LRRC7: variants seen among roughly 807,000 people sequenced by gnomAD.
LRRC7 encodes the protein leucine rich repeat containing 7.
A neutral mutation model predicts 175.7 loss-of-function variants in LRRC7; 23 were observed. The observed-to-expected ratio is 0.13, with a 90% CI of 0.09 to 0.19. The LOEUF (loss-of-function observed/expected upper bound fraction) is 0.19, where lower values mean the gene tolerates loss of function less well. Ranked by LOEUF, LRRC7 falls within the 10% of genes least tolerant of loss-of-function variation. The pLI, the probability that LRRC7 is intolerant of heterozygous loss-of-function variation, is 1.00. For synonymous variants in LRRC7, 685 were observed against 680.9 expected (o/e 1.01, Z -0.09); for missense variants, 1,354 against 1,904.7 (o/e 0.71, Z 5.38).
intron 1 of LRRC7, among the ~76,000 whole-genome samples, chr1:69,572,193 G>A (rs1645766296): frequency 6.6e-6 from 1 of 152,116 alleles, no homozygotes; most frequent in Non-Finnish European, 1.5e-5. Context: ...TTTGGAGAAT[G>A]TTGAAGTTTT....
intron 18 of LRRC7, among the ~76,000 whole-genome samples, chr1:70,034,118 A>C (rs1659056040): frequency 6.6e-6 from 1 of 152,120 alleles, no homozygotes. Context: ...ACCTTGTAAC[A>C]AATTTTTTGG....
At chr1:69,619,917 A>G (rs1223561249) in intron 1 of LRRC7, among the ~76,000 whole-genome samples, 1 of 151,926 alleles carries the variant, frequency 6.6e-6, no homozygotes, top group African/African-American at 2.4e-5. Flanking sequence ...TAAAAATGAA[A>G]GATAGAGTCA....
chr1:69,650,563 A>G (rs1400402391), intron 1 of LRRC7, among the ~76,000 whole-genome samples: 1 of 147,676 alleles, frequency 6.8e-6, no homozygotes, highest in Admixed American at 6.8e-5. Flanking sequence ...AATGCCAAGC[A>G]TCTTTGGCAT....
At chr1:69,950,255 A>T (rs1649782101) in intron 8 of LRRC7, among the ~76,000 whole-genome samples, 1 of 152,110 alleles carries the variant, frequency 6.6e-6, no homozygotes, top group African/African-American at 2.4e-5. Context: ...ATAGATGATA[A>T]TATAGGAAAA....
intron 25 of LRRC7, among the ~76,000 whole-genome samples, chr1:70,104,160 C>A (rs1428770082): frequency 6.6e-6 from 1 of 152,114 alleles, no homozygotes; most frequent in African/African-American, 2.4e-5. Context: ...GTTATTGTTT[C>A]TAATTTTTAG....
At chr1:69,698,516 A>G (rs1335477811) in intron 2 of LRRC7, among the ~76,000 whole-genome samples, 1 of 152,204 alleles carries the variant, frequency 6.6e-6, no homozygotes, top group African/African-American at 2.4e-5. Context: ...AGAGAAACCC[A>G]TCTAGATCTC....
intron 2 of LRRC7, among the ~76,000 whole-genome samples, chr1:69,690,181 T>A (rs1661665264): frequency 6.6e-6 from 1 of 152,192 alleles, no homozygotes. Context: ...ATAATTTTTT[T>A]AAAGATCCAT....
rs114362968 is a variant in LRRC7, at chr1:69,876,112, T to C, written c.647+37829T>C. Among the ~76,000 whole-genome samples, 599 of 152,238 alleles carry C rather than the reference T, an allele frequency of 3.9e-3. 3 individuals carry two copies. The highest frequency in any genetic ancestry group is 0.013 in the African/African-American group (555 of 41,558). On this transcript the variant is annotated intron_variant, in intron 7 of 26. Coordinates refer to ENST00000651989, the MANE Select transcript of LRRC7 (RefSeq NM_001370785.2). Reference sequence around the variant, plus strand: ...TTTAGGAGTGCCTCAGAGAATAGAATACATATGCCCGTATATTTCTCAGAA... The same window carrying C: ...TTTAGGAGTGCCTCAGAGAATAGAACACATATGCCCGTATATTTCTCAGAA...
chr1:69,606,449 A>G (rs1038769678), intron 1 of LRRC7, among the ~76,000 whole-genome samples: 2 of 152,160 alleles, frequency 1.3e-5, no homozygotes, highest in Admixed American at 1.3e-4. Context: ...TTCAAAAATC[A>G]TTCACTCTCC....
At chr1:69,638,267 T>G (rs887444621) in intron 1 of LRRC7, among the ~76,000 whole-genome samples, 1 of 151,846 alleles carries the variant, frequency 6.6e-6, no homozygotes, top group African/African-American at 2.4e-5. Flanking sequence ...TATTAATCAT[T>G]CATTTGGTCA....
rs186498732 is a variant in LRRC7 at position 69,755,949 on chromosome 1, C to T, written c.101-4242C>T. Among the ~76,000 whole-genome samples the T allele has an allele frequency of 7.9e-5, 12 of 151,860 alleles. No homozygotes were observed. In the East Asian group the frequency reaches 1.9e-3, roughly 25 times the overall value. ...GGGATCACCAGATATTTGTGGACAACCTTTACCATGAAAAATGAAGATCAA... is the reference window on the plus strand; with the variant it reads ...GGGATCACCAGATATTTGTGGACAATCTTTACCATGAAAAATGAAGATCAA... On this transcript the variant is annotated intron_variant, in intron 2 of 26. Coordinates refer to ENST00000651989, the MANE Select transcript of LRRC7 (RefSeq NM_001370785.2).
chr1:69,660,440 C>T (rs1415441493), intron 1 of LRRC7, among the ~76,000 whole-genome samples: 1 of 151,976 alleles, frequency 6.6e-6, no homozygotes, highest in Admixed American at 6.6e-5. Context: ...CAAAGCACAC[C>T]TCAACAATGA....
At chr1:69,891,762 T>C (rs1323027854) in intron 7 of LRRC7, among the ~76,000 whole-genome samples, 1 of 151,818 alleles carries the variant, frequency 6.6e-6, no homozygotes, top group Non-Finnish European at 1.5e-5. Context: ...TGATTATAAA[T>C]AAACATAATA....
rs564196928 is a variant in LRRC7 at position 70,125,356 on chromosome 1, C to T, written c.*3469C>T. Among the ~76,000 whole-genome samples, 2 of 152,296 alleles carry T rather than the reference C, an allele frequency of 1.3e-5. No homozygotes were observed. The highest frequency in any genetic ancestry group is 2.4e-5 in the African/African-American group (1 of 41,566). ...TGTTTCTGGACCTTACCTTGGATCACGACCTTTGAGATGGAAAACAGCTTT... is the reference window on the plus strand; with the variant it reads ...TGTTTCTGGACCTTACCTTGGATCATGACCTTTGAGATGGAAAACAGCTTT... On this transcript the variant is annotated 3_prime_UTR_variant, in exon 27 of 27. Coordinates refer to ENST00000651989, the MANE Select transcript of LRRC7 (RefSeq NM_001370785.2).
chr1:70,021,147 TG>T lies in LRRC7; in HGVS notation c.1545+19del, dbSNP rs770754031. The stretch of plus-strand genomic sequence containing the variant: ...AAGTTAAGGTGAACCTTTTAGCTTT[TG>T]TTTCCTCTTTCTTCTCCTTATCTTT... On this transcript the variant is annotated intron_variant, in intron 16 of 26. Coordinates refer to ENST00000651989, the MANE Select transcript of LRRC7 (RefSeq NM_001370785.2). 138 of 1,603,900 alleles carry T rather than the reference TG, an allele frequency of 8.6e-5. 1 individual carries two copies. The East Asian group carries it at 2.9e-3, about 34-fold the overall frequency.
At chr1:69,925,011 G>T (rs897252682) in intron 7 of LRRC7, among the ~76,000 whole-genome samples, 1 of 150,610 alleles carries the variant, frequency 6.6e-6, no homozygotes, top group Non-Finnish European at 1.5e-5. Context: ...TAGCATGAAG[G>T]GTTGTTGAAT....
chr1:69,746,291 T>C (rs143975560), intron 2 of LRRC7, among the ~76,000 whole-genome samples: 61 of 152,194 alleles, frequency 4.0e-4, no homozygotes, highest in African/African-American at 1.4e-3. Flanking sequence ...TTGAAATCTT[T>C]ACTTGATCCT....
chr1:69,790,283 A>G (rs1674959162), intron 3 of LRRC7, among the ~76,000 whole-genome samples: 2 of 152,158 alleles, frequency 1.3e-5, no homozygotes, highest in South Asian at 4.1e-4. Flanking sequence ...ATCTGATTCC[A>G]CATACCATAT....
intron 7 of LRRC7, among the ~76,000 whole-genome samples, chr1:69,908,355 A>T (rs1452179765): frequency 1.3e-5 from 2 of 151,794 alleles, no homozygotes; most frequent in African/African-American, 4.8e-5. Flanking sequence ...TTGTGATGTT[A>T]GGGTGTCAAT....
Sources: allele counts gnomAD v4.1 joint callset (sites outside exome capture counted in the v4.1 genomes callset), GRCh38; gene constraint gnomAD v4.1.1; transcripts MANE v1.5; gene names NCBI Gene and HGNC (gene_info 2026-07-23, HGNC 2026-07-21).